LHFPL3: variants seen among roughly 807,000 people sequenced by gnomAD.
The protein encoded by LHFPL3 is LHFPL tetraspan subfamily member 3.
In LHFPL3, 5 loss-of-function variants were observed where a neutral mutation model predicts 19.3. The observed-to-expected ratio is 0.26, with a 90% CI of 0.14 to 0.54. LHFPL3 has a LOEUF of 0.54. Ranked by LOEUF, LHFPL3 falls within the 20% of genes least tolerant of loss-of-function variation. LHFPL3 has a pLI of 0.94. For missense variants in LHFPL3, 249 were observed against 307.4 expected, an observed-to-expected ratio of 0.81 and a Z score of 1.42; for synonymous variants, 133 against 126.2, an observed-to-expected ratio of 1.05 and a Z score of -0.36.
At chr7:104,888,335 A>G (rs1792187527) in intron 2 of LHFPL3, among the ~76,000 whole-genome samples, 1 of 152,088 alleles carries the variant, frequency 6.6e-6, no homozygotes, top group Non-Finnish European at 1.5e-5. Flanking sequence ...TTTGGAAACC[A>G]GCCTGGACAA....
chr7:104,545,698 G>A (rs190987311), intron 1 of LHFPL3, among the ~76,000 whole-genome samples: 117 of 152,328 alleles, frequency 7.7e-4, no homozygotes, highest in African/African-American at 2.6e-3. Context: ...GAGCAGGAAC[G>A]TAGTCTAGCC....
At chr7:104,880,089 A>G (rs575024277) in intron 2 of LHFPL3, among the ~76,000 whole-genome samples, 10 of 151,324 alleles carry the variant, frequency 6.6e-5, no homozygotes, top group African/African-American at 2.2e-4. Context: ...TAAGGTTTGG[A>G]TATCTGTCCC....
intron 1 of LHFPL3, among the ~76,000 whole-genome samples, chr7:104,724,973 G>A (rs1356084361): frequency 6.6e-6 from 1 of 152,108 alleles, no homozygotes; most frequent in Non-Finnish European, 1.5e-5. Context: ...TTGCATTATT[G>A]AAAATAAGAA....
intron 1 of LHFPL3, among the ~76,000 whole-genome samples, chr7:104,418,612 T>C (rs905796609): frequency 6.6e-6 from 1 of 152,170 alleles, no homozygotes; most frequent in East Asian, 1.9e-4. Flanking sequence ...CTGAGAACTG[T>C]GATACAGTGT....
chr7:104,464,434 G>A (rs1447154497), intron 1 of LHFPL3, among the ~76,000 whole-genome samples: 1 of 152,218 alleles, frequency 6.6e-6, no homozygotes, highest in African/African-American at 2.4e-5. Context: ...GGGACTCTGT[G>A]TGGGGGCTCT....
intron 1 of LHFPL3, among the ~76,000 whole-genome samples, chr7:104,517,343 A>G (rs1328801394): frequency 6.6e-6 from 1 of 151,912 alleles, no homozygotes; most frequent in Non-Finnish European, 1.5e-5. Context: ...AATTAAATTT[A>G]CTTTCCAAAA....
rs34097567 is a variant in LHFPL3, at chr7:104,903,462, C to CTTTTT, written c.683-2709_683-2705dup. Reference sequence around the variant, plus strand: ...CTCCCTATTCATCCTTCTAGTTATACTTTTTTTTTTTTTTTTTTTTGAGAC... The same window carrying CTTTTT: ...CTCCCTATTCATCCTTCTAGTTATACTTTTTTTTTTTTTTTTTTTTTTTTTGAGAC... On this transcript the variant is annotated intron_variant, in intron 2 of 2. Transcript: ENST00000424859. Among the ~76,000 whole-genome samples the CTTTTT allele has an allele frequency of 7.9e-5, 10 of 126,726 alleles. No homozygotes were observed. The South Asian group carries it at 2.0e-3, about 25-fold the overall frequency. 83.1% of individuals were successfully genotyped at this position (126,726 alleles called of 152,430 possible). A position where few individuals can be genotyped will look rare whatever the true frequency, so the allele number is the denominator to read the frequency against.
At chr7:104,656,663 G>A (rs1223969959) in intron 1 of LHFPL3, among the ~76,000 whole-genome samples, 2 of 152,198 alleles carry the variant, frequency 1.3e-5, no homozygotes, top group African/African-American at 4.8e-5. Flanking sequence ...CACAGCTCAT[G>A]ACCACAAGAT....
chr7:104,652,041 G>C (rs562858102), intron 1 of LHFPL3, among the ~76,000 whole-genome samples: 26 of 152,318 alleles, frequency 1.7e-4, no homozygotes, highest in African/African-American at 6.0e-4. Flanking sequence ...GAGGAGAGAG[G>C]CATCTGAGTT....
At chr7:104,712,648 G>A (rs1157493904) in intron 1 of LHFPL3, among the ~76,000 whole-genome samples, 1 of 152,156 alleles carries the variant, frequency 6.6e-6, no homozygotes, top group Non-Finnish European at 1.5e-5. Flanking sequence ...AACAGGCAAG[G>A]AAACAAATTG....
chr7:104,561,009 C>A (rs1034546263), intron 1 of LHFPL3, among the ~76,000 whole-genome samples: 4 of 151,158 alleles, frequency 2.6e-5, no homozygotes, highest in Admixed American at 1.3e-4. Flanking sequence ...AGATTCTTAA[C>A]CCTGAGTTCT....
At chr7:104,389,775 C>A (rs1180173393) in intron 1 of LHFPL3, among the ~76,000 whole-genome samples, 3 of 152,066 alleles carry the variant, frequency 2.0e-5, no homozygotes, top group Non-Finnish European at 4.4e-5. Context: ...AAAAAATAGT[C>A]TTTTCAACAA....
chr7:104,856,787 T>C (rs893537406), intron 2 of LHFPL3, among the ~76,000 whole-genome samples: 2 of 152,234 alleles, frequency 1.3e-5, no homozygotes, highest in African/African-American at 4.8e-5. Context: ...GCATGTATTG[T>C]GACCTGGGTA....
At chr7:104,765,945 A>G (rs1273434793) in intron 2 of LHFPL3, among the ~76,000 whole-genome samples, 13 of 151,284 alleles carry the variant, frequency 8.6e-5, no homozygotes, top group Admixed American at 2.6e-4. Flanking sequence ...CAACCTCCAC[A>G]CTCCTGACCA....
intron 2 of LHFPL3, among the ~76,000 whole-genome samples, chr7:104,834,398 C>T (rs1791051612): frequency 6.6e-6 from 1 of 152,116 alleles, no homozygotes; most frequent in Non-Finnish European, 1.5e-5. Context: ...TCATGCTCCT[C>T]CTGAATCCTC....
intron 2 of LHFPL3, among the ~76,000 whole-genome samples, chr7:104,741,155 A>G (rs920007952): frequency 1.3e-5 from 2 of 152,172 alleles, no homozygotes; most frequent in Non-Finnish European, 2.9e-5. Flanking sequence ...TCCTTGACAC[A>G]CTTCAGTCAA....
intron 1 of LHFPL3, among the ~76,000 whole-genome samples, chr7:104,498,910 G>A (rs559065692): frequency 6.6e-4 from 100 of 152,278 alleles, no homozygotes; most frequent in African/African-American, 2.4e-3. Flanking sequence ...TTTTAAAATG[G>A]AAAGTTGTAT....
At chr7:104,885,444 T>C (rs1302162629) in intron 2 of LHFPL3, among the ~76,000 whole-genome samples, 1 of 152,208 alleles carries the variant, frequency 6.6e-6, no homozygotes, top group Non-Finnish European at 1.5e-5. Flanking sequence ...AAAGTTTCTC[T>C]TGTTCCCCAT....
intron 1 of LHFPL3, among the ~76,000 whole-genome samples, chr7:104,507,121 A>G (rs187999469): frequency 2.6e-4 from 40 of 152,258 alleles, no homozygotes; most frequent in African/African-American, 9.4e-4. Context: ...GGGAGTTTAT[A>G]ACACCAAATA....
Sources: allele counts gnomAD v4.1 joint callset (sites outside exome capture counted in the v4.1 genomes callset), GRCh38; gene constraint gnomAD v4.1.1; transcripts MANE v1.5; gene names NCBI Gene and HGNC (gene_info 2026-07-23, HGNC 2026-07-21).